Variants in CTIF observed in about 807,000 individuals in gnomAD.
The protein encoded by CTIF is cap binding complex dependent translation initiation factor, also known as CBP80/20-dependent translation initiation factor.
A neutral mutation model predicts 66.0 loss-of-function variants in CTIF; 21 were observed. The ratio of observed to expected loss-of-function variants is 0.32; its 90% CI spans 0.23 to 0.46. The LOEUF (loss-of-function observed/expected upper bound fraction) is 0.46, where lower values mean the gene tolerates loss of function less well. Ranked by LOEUF, CTIF falls within the 20% of genes least tolerant of loss-of-function variation. The pLI, the probability that CTIF is intolerant of heterozygous loss-of-function variation, is 1.00. For missense variants in CTIF, 739 were observed against 812.7 expected (o/e 0.91, Z 1.10); for synonymous variants, 345 against 326.4 (o/e 1.06, Z -0.62).
At chr18:48,727,226 C>T (rs2092394199) in intron 7 of CTIF, among the ~76,000 whole-genome samples, 1 of 152,162 alleles carries the variant, frequency 6.6e-6, no homozygotes, top group Non-Finnish European at 1.5e-5. Flanking sequence ...GAAATCCAGC[C>T]AGGCAGATAT....
intron 3 of CTIF, among the ~76,000 whole-genome samples, chr18:48,637,134 G>A (rs1353181453): frequency 4.6e-5 from 7 of 152,202 alleles, no homozygotes; most frequent in Non-Finnish European, 8.8e-5. Context: ...TCTGCAGAAG[G>A]CCTGGGAGGG....
chr18:48,852,608 G>A (rs1478572206), intron 10 of CTIF, among the ~76,000 whole-genome samples: 1 of 152,204 alleles, frequency 6.6e-6, no homozygotes, highest in African/African-American at 2.4e-5. Flanking sequence ...TTGGGGATCC[G>A]CAGACCCCAG....
intron 3 of CTIF, among the ~76,000 whole-genome samples, chr18:48,637,356 T>C (rs549139079): frequency 1.3e-5 from 2 of 152,318 alleles, no homozygotes; most frequent in Admixed American, 1.3e-4. Flanking sequence ...CCAAACCCTA[T>C]GGTGGTCCAG....
chr18:48,665,361 C>A (rs1366691045), intron 5 of CTIF, among the ~76,000 whole-genome samples: 2 of 152,204 alleles, frequency 1.3e-5, no homozygotes, highest in African/African-American at 4.8e-5. Flanking sequence ...CTTCCCTTTT[C>A]AAAAGTGGTG....
intron 1 of CTIF, among the ~76,000 whole-genome samples, chr18:48,557,156 G>T (rs1017609852): frequency 6.6e-6 from 1 of 152,112 alleles, no homozygotes; most frequent in Non-Finnish European, 1.5e-5. Context: ...TGGCCTGGGG[G>T]TAGGGACAGG....
chr18:48,594,237 A>G (rs2089948619), intron 1 of CTIF, among the ~76,000 whole-genome samples: 1 of 151,886 alleles, frequency 6.6e-6, no homozygotes, highest in Admixed American at 6.6e-5. Flanking sequence ...GGGGTCCCAC[A>G]CTCAGAAGGG....
chr18:48,577,962 A>G (rs765130919), intron 1 of CTIF, among the ~76,000 whole-genome samples: 7 of 152,206 alleles, frequency 4.6e-5, no homozygotes, highest in Admixed American at 6.5e-5. Flanking sequence ...TTTTACGCCC[A>G]TTACCATAAC....
At position 48,860,584 on chromosome 18, in the gene CTIF, CAG is replaced by C. The variant is rs1416919113; in HGVS notation, c.*1026_*1027del. 1 of 153,008 alleles carries C rather than the reference CAG, an allele frequency of 6.5e-6. No homozygotes were observed. Among genetic ancestry groups the C allele is most frequent in the Non-Finnish European group, 1.5e-5 (1 of 68,628 alleles). 9.5% of individuals were successfully genotyped at this position (153,008 alleles called of 1,614,324 possible). ...CTGGCCCCAGGGGCCTTGTGGCAAA[CAG>C]GGCACAGAACGAGACTGGCAAATTA... On this transcript the variant is annotated 3_prime_UTR_variant, in exon 12 of 12. Transcript: ENST00000256413.
At chr18:48,857,681 G>A in intron 11 of CTIF, 40 bp downstream of exon 11, 4 of 1,578,746 alleles carry the variant, frequency 2.5e-6, no homozygotes, top group Non-Finnish European at 3.4e-6. Context: ...CTCAAAGCCG[G>A]TGCATCTCTC....
chr18:48,558,741 T>C (rs2089080247), intron 1 of CTIF, among the ~76,000 whole-genome samples: 1 of 152,224 alleles, frequency 6.6e-6, no homozygotes, highest in African/African-American at 2.4e-5. Flanking sequence ...ACTTCTCAGC[T>C]GGCACCTGAA....
intron 1 of CTIF, among the ~76,000 whole-genome samples, chr18:48,570,805 T>C (rs2089399657): frequency 6.6e-6 from 1 of 151,842 alleles, no homozygotes; most frequent in Non-Finnish European, 1.5e-5. Context: ...ACCCAGACTT[T>C]GAGGAGGGTG....
Position 48,805,891 on chromosome 18 carries a change from C to T in CTIF, c.1372-11330C>T, listed in dbSNP as rs972250105. ...ACGTACCGTGGGATATTTATGCATC[C>T]GGTCCACACACGTTCATTGAACACC... On this transcript the variant is annotated intron_variant, in intron 9 of 11. Coordinates refer to ENST00000256413, the MANE Select transcript of CTIF (RefSeq NM_014772.3). 4.6e-5 allele frequency among the ~76,000 whole-genome samples: 7 copies of T among 152,332 alleles called. No individual in the cohort carries two copies. In the East Asian group the frequency reaches 1.4e-3, roughly 29 times the overall value.
At chr18:48,797,745 G>T (rs550532811) in intron 9 of CTIF, among the ~76,000 whole-genome samples, 2 of 152,104 alleles carry the variant, frequency 1.3e-5, no homozygotes, top group African/African-American at 4.8e-5. Flanking sequence ...TCCTCCCTGG[G>T]TTTCTCTCCT....
chr18:48,855,127 T>C (rs367640543), intron 10 of CTIF, among the ~76,000 whole-genome samples: 1 of 152,350 alleles, frequency 6.6e-6, no homozygotes, highest in Admixed American at 6.5e-5. Flanking sequence ...TTGTCTCTTT[T>C]GTTTTGGTAG....
At chr18:48,797,493 G>GTT (rs2067949701) in intron 9 of CTIF, among the ~76,000 whole-genome samples, 1 of 110,332 alleles carries the variant, frequency 9.1e-6, no homozygotes, top group Admixed American at 1.0e-4. Flanking sequence ...AAAAAGAAAA[G>GTT]GGGTGGGGGG....
intron 10 of CTIF, among the ~76,000 whole-genome samples, chr18:48,818,319 G>T (rs2068412632): frequency 6.6e-6 from 1 of 152,214 alleles, no homozygotes; most frequent in South Asian, 2.1e-4. Flanking sequence ...TTGAATTTCT[G>T]AGTTAGAGCC....
chr18:48,682,943 T>G (rs2091771153), intron 6 of CTIF: 1 of 152,252 alleles, frequency 6.6e-6, no homozygotes, highest in South Asian at 2.1e-4. Flanking sequence ...GGTGGAGATG[T>G]GGGGGCAACC....
chr18:48,627,385 A>G (rs887849771), intron 2 of CTIF, among the ~76,000 whole-genome samples: 2 of 152,146 alleles, frequency 1.3e-5, no homozygotes, highest in Non-Finnish European at 2.9e-5. Context: ...GAAGGTGATG[A>G]ATGCATGAGG....
chr18:48,734,111 T>C (rs1023715901), intron 7 of CTIF, among the ~76,000 whole-genome samples: 1 of 152,222 alleles, frequency 6.6e-6, no homozygotes, highest in Non-Finnish European at 1.5e-5. Flanking sequence ...AAACCCAGCA[T>C]GGGAACTTCC....
Sources: allele counts gnomAD v4.1 joint callset (sites outside exome capture counted in the v4.1 genomes callset), GRCh38; gene constraint gnomAD v4.1.1; transcripts MANE v1.5; gene names NCBI Gene and HGNC (gene_info 2026-07-23, HGNC 2026-07-21).